Variants in DPYD observed in about 807,000 individuals in gnomAD.
DPYD encodes dihydropyrimidine dehydrogenase [NADP(+)].
DPYD carries 109 observed loss-of-function variants against 116.2 expected under a neutral mutation model. That is an observed-to-expected ratio of 0.94 (90% confidence interval 0.80 to 1.10). DPYD has a LOEUF of 1.10. DPYD is among the 50% of genes least tolerant of loss of function. The pLI is 0.00. For synonymous variants in DPYD, 440 were observed against 432.0 expected, an observed-to-expected ratio of 1.02 and a Z score of -0.23; for missense variants, 1,302 against 1,254.5, an observed-to-expected ratio of 1.04 and a Z score of -0.57.
At chr1:97,302,290 A>T (rs1666912113) in intron 18 of DPYD, among the ~76,000 whole-genome samples, 1 of 152,010 alleles carries the variant, frequency 6.6e-6, no homozygotes. Flanking sequence ...GTTTGATAAA[A>T]AATATTCCTT....
intron 14 of DPYD, among the ~76,000 whole-genome samples, chr1:97,446,556 T>C (rs1461276171): frequency 6.6e-6 from 1 of 152,186 alleles, no homozygotes; most frequent in Non-Finnish European, 1.5e-5. Flanking sequence ...TATTTACATA[T>C]CAATTGTTCT....
intron 8 of DPYD, among the ~76,000 whole-genome samples, chr1:97,599,857 CCA>C (rs1655133479): frequency 1.5e-5 from 1 of 66,860 alleles, no homozygotes; most frequent in Non-Finnish European, 2.7e-5. Context: ...AAACCCATCT[CCA>C]CAAAAAAAAA....
intron 8 of DPYD, among the ~76,000 whole-genome samples, chr1:97,641,320 T>C (rs1008727201): frequency 2.0e-5 from 3 of 151,978 alleles, no homozygotes; most frequent in African/African-American, 7.2e-5. Flanking sequence ...TGAGCACATA[T>C]AAAGGTGCAG....
At chr1:97,546,376 G>A in intron 12 of DPYD, 2 of 1,451,014 alleles carry the variant, frequency 1.4e-6, no homozygotes, top group Non-Finnish European at 1.9e-6. Context: ...AAAGGAAGAT[G>A]AAGAAGAAGT....
At chr1:97,457,504 C>T (rs759117969) in intron 13 of DPYD, among the ~76,000 whole-genome samples, 1 of 151,992 alleles carries the variant, frequency 6.6e-6, no homozygotes, top group Non-Finnish European at 1.5e-5. Context: ...TGTTTTTTGA[C>T]CTTCTCATCT....
rs144569204 is a variant in DPYD, at chr1:97,724,576, G to C, written c.322-2905C>G. 4.1e-3 allele frequency among the ~76,000 whole-genome samples: 626 copies of C among 151,572 alleles called. 9 individuals are homozygous for C. The highest frequency in any genetic ancestry group is 0.014 in the African/African-American group (599 of 41,442). On this transcript the variant is annotated intron_variant, in intron 4 of 22. Coordinates refer to ENST00000370192, the MANE Select transcript of DPYD (RefSeq NM_000110.4). Reference sequence around the variant, plus strand: ...GTTTCATTTCAAAGGTAGTCAGACAGGAAGAATTATGTGTTTTTCAGGGTA... The same window carrying C: ...GTTTCATTTCAAAGGTAGTCAGACACGAAGAATTATGTGTTTTTCAGGGTA...
chr1:97,617,791 A>G (rs1656381741), intron 8 of DPYD, among the ~76,000 whole-genome samples: 1 of 152,034 alleles, frequency 6.6e-6, no homozygotes. Context: ...CTCAGACTCC[A>G]CCCCTCTGAG....
chr1:97,497,327 C>T (rs902377703), intron 13 of DPYD, among the ~76,000 whole-genome samples: 1 of 151,860 alleles, frequency 6.6e-6, no homozygotes, highest in Non-Finnish European at 1.5e-5. Context: ...ACACTTTCTT[C>T]CAACGGCAAA....
intron 3 of DPYD, among the ~76,000 whole-genome samples, chr1:97,752,296 AC>A (rs1369078254): frequency 2.1e-5 from 3 of 144,868 alleles, no homozygotes; most frequent in Non-Finnish European, 4.6e-5. Context: ...TACTTCACAC[AC>A]ACACACACAC....
intron 5 of DPYD, chr1:97,720,994 G>T: frequency 1.3e-6 from 2 of 1,568,868 alleles, no homozygotes; most frequent in Admixed American, 3.8e-5. Flanking sequence ...CCAAATAAAA[G>T]ACCTGCTTCC....
At chr1:97,778,844 C>A (rs578226633) in intron 3 of DPYD, among the ~76,000 whole-genome samples, 2 of 152,230 alleles carry the variant, frequency 1.3e-5, no homozygotes, top group South Asian at 4.1e-4. Flanking sequence ...CAAAAAAAAT[C>A]TACAGGGAAT....
At chr1:97,516,301 G>A (rs980555309) in intron 12 of DPYD, among the ~76,000 whole-genome samples, 1 of 152,038 alleles carries the variant, frequency 6.6e-6, no homozygotes, top group Admixed American at 6.6e-5. Context: ...AGTGCTCAGA[G>A]ATATGGGCAA....
chr1:97,446,922 A>G (rs2101780144), intron 14 of DPYD, among the ~76,000 whole-genome samples: 1 of 152,256 alleles, frequency 6.6e-6, no homozygotes, highest in Admixed American at 6.5e-5. Flanking sequence ...TACAATGATC[A>G]ATGTGCCAAA....
rs74105265 is a variant in DPYD at position 97,593,057 on chromosome 1, C to T, written c.1128+161G>A. On this transcript the variant is annotated intron_variant, in intron 10 of 22. Transcript: ENST00000370192. ...AATCAGTATTACAAATTTTCTTTTA[C>T]TTGGAATGTCTGAATTAGAAAAGAA... is the stretch of plus-strand genomic sequence containing the variant. 3.8e-3 allele frequency among the ~76,000 whole-genome samples: 584 copies of T among 152,248 alleles called. 9 individuals are homozygous for T. Among genetic ancestry groups the T allele is most frequent in the African/African-American group, 0.014 (566 of 41,556 alleles).
At chr1:97,730,576 A>C (rs1361893626) in intron 4 of DPYD, among the ~76,000 whole-genome samples, 1 of 152,148 alleles carries the variant, frequency 6.6e-6, no homozygotes, top group East Asian at 1.9e-4. Flanking sequence ...CAAAAATAAG[A>C]AAGTGCTTTA....
At chr1:97,346,848 T>C (rs1401979836) in intron 16 of DPYD, among the ~76,000 whole-genome samples, 3 of 151,934 alleles carry the variant, frequency 2.0e-5, no homozygotes, top group Non-Finnish European at 4.4e-5. Flanking sequence ...GATATAGCTT[T>C]ATAAGAATTG....
intron 18 of DPYD, among the ~76,000 whole-genome samples, chr1:97,302,837 ACAGTT>A (rs1666944403): frequency 6.6e-6 from 1 of 152,056 alleles, no homozygotes; most frequent in African/African-American, 2.4e-5. Flanking sequence ...AATGTTGATT[ACAGTT>A]CACTAAACTT....
chr1:97,152,580 C>T (rs1655111654), intron 20 of DPYD, among the ~76,000 whole-genome samples: 1 of 149,852 alleles, frequency 6.7e-6, no homozygotes, highest in East Asian at 1.9e-4. Flanking sequence ...ACACAGATAC[C>T]CATATTTAAT....
chr1:97,233,359 C>A (rs911862253), intron 19 of DPYD, among the ~76,000 whole-genome samples: 1 of 152,102 alleles, frequency 6.6e-6, no homozygotes, highest in Non-Finnish European at 1.5e-5. Flanking sequence ...ACTACTACTG[C>A]AGAAGGGGGG....
Sources: gnomAD v4.1 joint callset for allele counts (sites outside exome capture counted in the v4.1 genomes callset) on GRCh38, gnomAD v4.1.1 for gene constraint, MANE v1.5 for transcripts, NCBI Gene and HGNC (gene_info 2026-07-23, HGNC 2026-07-21) for gene names.